The following ITGA1 variants were observed in gnomAD, a reference collection of about 807,000 sequenced individuals.
The protein encoded by ITGA1 is integrin subunit alpha 1.
A neutral mutation model predicts 145.9 loss-of-function variants in ITGA1; 85 were observed. That is an observed-to-expected ratio of 0.58 (90% CI 0.49 to 0.70). The LOEUF is 0.70. ITGA1 is among the 30% of genes least tolerant of loss of function. The pLI is 0.00. For synonymous variants in ITGA1, 520 were observed against 495.3 expected, an observed-to-expected ratio of 1.05 and a Z score of -0.66; for missense variants, 1,351 against 1,418.7, an observed-to-expected ratio of 0.95 and a Z score of 0.77.
Position 52,800,995 on chromosome 5 carries a change from G to A in ITGA1, c.61+12581G>A, listed in dbSNP as rs776377670. On this transcript the variant is annotated intron_variant, in intron 1 of 28. Coordinates refer to ENST00000282588, the MANE Select transcript of ITGA1 (RefSeq NM_181501.2). ...TATCCAGCGCCACATACACTTTGAT[G>A]TTGTAAAGTGCATCCTGGTGGCCAG... The A allele has an allele frequency of 1.2e-5, 20 of 1,614,208 alleles. No individual in the cohort carries two copies. The South Asian group carries it at 2.2e-4, about 18-fold the overall frequency.
At chr5:52,899,684 T>A (rs1750284215) in intron 11 of ITGA1, among the ~76,000 whole-genome samples, 1 of 152,188 alleles carries the variant, frequency 6.6e-6, no homozygotes, top group African/African-American at 2.4e-5. Flanking sequence ...CTCGAAAACT[T>A]AAAGAAATTG....
chr5:52,947,358 T>C lies in ITGA1; in HGVS notation c.3392T>C (p.Ile1131Thr), dbSNP rs758013944. 6.2e-7 allele frequency: 1 copy of C among 1,609,046 alleles called. No individual in the cohort carries two copies. The highest frequency in any genetic ancestry group is 8.5e-7 in the Non-Finnish European group (1 of 1,175,698). ...SNQKRELAIQ[I>T]SKDGLPGRVP... ...AATAATTTTCAGCTTGCTATTCAAA[T>C]ATCCAAAGATGGGCTACCGGGCAGA... Residue 1131 changes from isoleucine to threonine, a missense_variant, in exon 28 of 29, where the codon ATA becomes ACA. Physicochemically the swap from Ile to Thr is moderately conservative, Grantham distance 89 (BLOSUM62 -1). Coordinates refer to ENST00000282588, the MANE Select transcript of ITGA1 (RefSeq NM_181501.2).
At chr5:52,832,769 G>GTGTGTGTGTGTGTGTGTC (rs1393580542) in intron 1 of ITGA1, among the ~76,000 whole-genome samples, 37 of 74,096 alleles carry the variant, frequency 5.0e-4, no homozygotes, top group African/African-American at 1.6e-3. Context: ...ATAAATCTGT[G>GTGTGTGTGTGTGTGTGTC]TGTGTGTGTG....
At position 52,801,711 on chromosome 5, in the gene ITGA1, T is replaced by C; in HGVS notation, c.61+13297T>C. On this transcript the variant is annotated intron_variant, in intron 1 of 28. Transcript: ENST00000282588. Reference sequence around the variant, plus strand: ...GTGTGAAAGAGAATGCAGGCACCGTTAGGATATTCTCTAGTCTTCACGTTT... The same window carrying C: ...GTGTGAAAGAGAATGCAGGCACCGTCAGGATATTCTCTAGTCTTCACGTTT... 4.3e-6 allele frequency: 7 copies of C among 1,614,112 alleles called. No homozygotes were observed. The South Asian group carries it at 6.6e-5, about 15-fold the overall frequency.
intron 14 of ITGA1, among the ~76,000 whole-genome samples, chr5:52,912,403 G>T (rs1409729818): frequency 1.4e-5 from 2 of 143,144 alleles, no homozygotes; most frequent in African/African-American, 5.1e-5. Context: ...TCCAGTGTAT[G>T]TATTATATAT....
intron 7 of ITGA1, among the ~76,000 whole-genome samples, chr5:52,887,348 T>C (rs545862517): frequency 2.0e-5 from 3 of 152,236 alleles, no homozygotes; most frequent in African/African-American, 7.2e-5. Flanking sequence ...ATTAGAGGAT[T>C]TTCGAGCCAT....
intron 1 of ITGA1, among the ~76,000 whole-genome samples, chr5:52,798,609 G>A (rs926817736): frequency 2.6e-5 from 4 of 152,154 alleles, no homozygotes; most frequent in African/African-American, 9.7e-5. Flanking sequence ...GTTTTCATGT[G>A]AGAGGGTAGC....
chr5:52,814,730 A>T lies in ITGA1; in HGVS notation c.61+26316A>T, dbSNP rs537687455. Among the ~76,000 whole-genome samples, 182 of 150,200 alleles carry T rather than the reference A, an allele frequency of 1.2e-3. 1 individual carries two copies. The highest frequency in any genetic ancestry group is 4.3e-3 in the African/African-American group (172 of 40,388). On this transcript the variant is annotated intron_variant, in intron 1 of 28. Coordinates refer to ENST00000282588, the MANE Select transcript of ITGA1 (RefSeq NM_181501.2). ...TCCTCTGCACCTTCTGAGAGGTATT[A>T]AAAAAAAAGGGGGGGAAAGAAAAAG...
In ITGA1 at chr5:52,952,021, C is replaced by T. The variant is rs182947710; in HGVS notation, c.3496-386C>T. On this transcript the variant is annotated intron_variant, in intron 28 of 28. Coordinates refer to ENST00000282588, the MANE Select transcript of ITGA1 (RefSeq NM_181501.2). ...CCTGGCCAACATGGTGAAACCCCGT[C>T]TCTACTGAAAATACAAAAATTAGCT... Among the ~76,000 whole-genome samples, 159 of 152,120 alleles carry T rather than the reference C, an allele frequency of 1.0e-3. 1 individual carries two copies. Among genetic ancestry groups the T allele is most frequent in the East Asian group, 3.7e-3 (19 of 5,152 alleles).
At chr5:52,898,501 T>C (rs1561241605) in intron 11 of ITGA1, 118 bp downstream of exon 11, 1 of 915,490 alleles carries the variant, frequency 1.1e-6, no homozygotes, top group Non-Finnish European at 1.6e-6. Flanking sequence ...TTCAACAAGT[T>C]GGGTATTTTC....
chr5:52,894,901 A>G (rs1470510816), intron 9 of ITGA1, among the ~76,000 whole-genome samples: 1 of 152,178 alleles, frequency 6.6e-6, no homozygotes, highest in Non-Finnish European at 1.5e-5. Context: ...AAATGTACAG[A>G]AAGGAAAGAT....
chr5:52,849,306 C>G, intron 1 of ITGA1, 59 bp from the exon 2 acceptor site: 1 of 1,459,566 alleles, frequency 6.9e-7, no homozygotes, highest in Non-Finnish European at 9.3e-7. Context: ...TTCCATAACT[C>G]AAAACATGAT....
intron 1 of ITGA1, among the ~76,000 whole-genome samples, chr5:52,840,979 A>C (rs916333216): frequency 3.9e-5 from 6 of 152,228 alleles, no homozygotes; most frequent in Non-Finnish European, 8.8e-5. Context: ...CATTTGTAAT[A>C]ACTGGAGACC....
intron 1 of ITGA1, among the ~76,000 whole-genome samples, chr5:52,795,149 A>T (rs1350610366): frequency 6.6e-6 from 1 of 151,924 alleles, no homozygotes; most frequent in African/African-American, 2.4e-5. Context: ...ATTAATAACC[A>T]TTAATTTTTG....
chr5:52,904,229 T>C (rs1750361548), intron 11 of ITGA1: 1 of 152,238 alleles, frequency 6.6e-6, no homozygotes, highest in African/African-American at 2.4e-5. Context: ...CTTAAAGGTT[T>C]GTATGTAGAG....
rs577710586 is a variant in ITGA1, at chr5:52,883,629, T to G, written c.773+1608T>G. On this transcript the variant is annotated intron_variant, in intron 7 of 28. Coordinates refer to ENST00000282588, the MANE Select transcript of ITGA1 (RefSeq NM_181501.2). ...TTTCAGTAAATCCCAGTTCAAAGTTTTGTGTGTGTGTGTTCCCTTCTTCCT... is the reference window on the plus strand; with the variant it reads ...TTTCAGTAAATCCCAGTTCAAAGTTGTGTGTGTGTGTGTTCCCTTCTTCCT... Among the ~76,000 whole-genome samples, 671 of 152,240 alleles carry G rather than the reference T, an allele frequency of 4.4e-3. 1 individual carries two copies. The highest frequency in any genetic ancestry group is 6.3e-3 in the Non-Finnish European group (426 of 68,016).
At chr5:52,947,786 A>T (rs557545759) in intron 28 of ITGA1, among the ~76,000 whole-genome samples, 1 of 152,292 alleles carries the variant, frequency 6.6e-6, no homozygotes, top group South Asian at 2.1e-4. Flanking sequence ...TATTTCTTTT[A>T]TAAACAGAGA....
rs570646822 is a variant in ITGA1, at chr5:52,803,301, G to C, written c.61+14887G>C. 2.7e-5 allele frequency: 4 copies of C among 149,366 alleles called. No individual in the cohort carries two copies. The South Asian group carries it at 8.9e-4, about 33-fold the overall frequency. The allele number at this position is 149,366 out of a possible 1,614,324, so 9.3% of individuals were successfully genotyped here. A position where few individuals can be genotyped will look rare whatever the true frequency, so the allele number is the denominator to read the frequency against. ...TATCTCCTAATTCAAAAGTAATTGA[G>C]ATTGTCATTTCATTATAATTCCGTG... On this transcript the variant is annotated intron_variant, in intron 1 of 28. Transcript: ENST00000282588.
Position 52,954,151 on chromosome 5 carries a change from C to T in ITGA1, c.*1700C>T, listed in dbSNP as rs189139385. ...GCTGGCCTGTCATTATTTGGAAATA[C>T]GCGCTTTTGGAATTTCCTTCATTTT... On this transcript the variant is annotated 3_prime_UTR_variant, in exon 29 of 29. Transcript: ENST00000282588. 114 of 152,194 alleles carry T rather than the reference C, an allele frequency of 7.5e-4. No homozygotes were observed. The highest frequency in any genetic ancestry group is 7.3e-3 in the Admixed American group (112 of 15,280). The allele number at this position is 152,194 out of a possible 1,614,324, so 9.4% of individuals were successfully genotyped here.
Sources: allele counts gnomAD v4.1 joint callset (sites outside exome capture counted in the v4.1 genomes callset), GRCh38; gene constraint gnomAD v4.1.1; transcripts MANE v1.5; gene names NCBI Gene and HGNC (gene_info 2026-07-23, HGNC 2026-07-21).